Variants in GALNT13 observed in about 807,000 individuals in gnomAD.
GALNT13 encodes UDP-GalNAc:polypeptide N-acetylgalactosaminyltransferase 13.
In GALNT13, 28 loss-of-function variants were observed where a neutral mutation model predicts 64.2. The observed-to-expected ratio is 0.44, with a 90% confidence interval of 0.32 to 0.60. The LOEUF is 0.60. Among genes scored for constraint, GALNT13 ranks in the 20% least tolerant of loss-of-function variants. GALNT13 has a pLI of 0.05. For missense variants in GALNT13, 577 were observed against 669.8 expected, an observed-to-expected ratio of 0.86 and a Z score of 1.53; for synonymous variants, 214 against 224.6, an observed-to-expected ratio of 0.95 and a Z score of 0.42.
In GALNT13 at chr2:153,948,670, C is replaced by T. The variant is rs115471681; in HGVS notation, c.142+4031C>T. On this transcript the variant is annotated intron_variant, in intron 3 of 12. Transcript: ENST00000392825. ...TACATATACACTATGGAATACTATG[C>T]GCCATAAAAAAGAATGAGATCATGT... 6.2e-3 allele frequency among the ~76,000 whole-genome samples: 945 copies of T among 152,120 alleles called. 7 individuals are homozygous for T. Among genetic ancestry groups the T allele is most frequent in the African/African-American group, 0.021 (887 of 41,520 alleles).
chr2:154,311,261 G>T (rs1694020140), intron 9 of GALNT13, among the ~76,000 whole-genome samples: 1 of 152,002 alleles, frequency 6.6e-6, no homozygotes, highest in Non-Finnish European at 1.5e-5. Context: ...CGGGGGTCCT[G>T]CCCCGATAAT....
the GALNT13 span, among the ~76,000 whole-genome samples, chr2:153,457,909 C>T: frequency 6.6e-6 from 1 of 152,186 alleles, no homozygotes; most frequent in Non-Finnish European, 1.5e-5. Flanking sequence ...GTTCCATACC[C>T]TCCCCATCCT....
chr2:153,455,429 CGAATGAGTGCGGGAACGAGT>C, the GALNT13 span, among the ~76,000 whole-genome samples: 10 of 152,182 alleles, frequency 6.6e-5, no homozygotes, highest in Admixed American at 5.9e-4. Context: ...AGCACATGAG[CGAATGAGTGCGGGAACGAGT>C]GAATGAGTGC....
At chr2:153,132,571 T>C in the GALNT13 span, among the ~76,000 whole-genome samples, 536 of 152,288 alleles carry the variant, frequency 3.5e-3, 2 homozygotes, top group Non-Finnish European at 5.5e-3. Context: ...GAGTCATGCT[T>C]GTTACGTATG....
At chr2:153,727,070 C>T in the GALNT13 span, among the ~76,000 whole-genome samples, 1 of 151,810 alleles carries the variant, frequency 6.6e-6, no homozygotes, top group South Asian at 2.1e-4. Context: ...TAACTTCACA[C>T]AGTAATATTG....
intron 9 of GALNT13, among the ~76,000 whole-genome samples, chr2:154,372,203 A>C (rs1697733175): frequency 6.6e-6 from 1 of 152,136 alleles, no homozygotes; most frequent in African/African-American, 2.4e-5. Context: ...GGTTTAATTC[A>C]ACCTCCAGAA....
intron 4 of GALNT13, among the ~76,000 whole-genome samples, chr2:154,184,732 A>G (rs1220532101): frequency 6.6e-6 from 1 of 152,148 alleles, no homozygotes; most frequent in Non-Finnish European, 1.5e-5. Flanking sequence ...CAACCAGCTC[A>G]CACCAGAACT....
chr2:153,875,870 A>G (rs926353741), intron 1 of GALNT13, among the ~76,000 whole-genome samples: 6 of 152,182 alleles, frequency 3.9e-5, no homozygotes, highest in Admixed American at 2.0e-4. Context: ...CTTATTAGAC[A>G]TGATATTTTA....
intron 1 of GALNT13, among the ~76,000 whole-genome samples, chr2:153,899,457 A>G (rs1688087809): frequency 6.6e-6 from 1 of 152,202 alleles, no homozygotes; most frequent in Non-Finnish European, 1.5e-5. Flanking sequence ...TTAAACTTAG[A>G]AAATACAAAG....
In GALNT13 at chr2:153,937,426, A is replaced by G. The variant is rs925029814; in HGVS notation, c.-104-6968A>G. On this transcript the variant is annotated intron_variant, in intron 2 of 12. Transcript: ENST00000392825. ...ATTCAATTTGTATGAAACATTCAAA[A>G]TAGGAAAATTCATAGCCAATAAATC... 1.3e-5 allele frequency among the ~76,000 whole-genome samples: 2 copies of G among 152,248 alleles called. 1 individual carries two copies. The highest frequency in any genetic ancestry group is 4.1e-4 in the South Asian group (2 of 4,832).
intron 3 of GALNT13, among the ~76,000 whole-genome samples, chr2:153,944,921 C>T (rs935965295): frequency 9.2e-5 from 14 of 152,072 alleles, no homozygotes; most frequent in African/African-American, 2.9e-4. Context: ...GTTGAGTGAA[C>T]GTTCAAACTG....
At chr2:153,782,072 C>T in the GALNT13 span, among the ~76,000 whole-genome samples, 1,872 of 152,250 alleles carry the variant, frequency 0.012, 17 homozygotes, top group Non-Finnish European at 0.019. Context: ...CCACCACCCC[C>T]TAAATTCATA....
the GALNT13 span, among the ~76,000 whole-genome samples, chr2:153,155,420 G>C: frequency 6.6e-6 from 1 of 152,154 alleles, no homozygotes; most frequent in Non-Finnish European, 1.5e-5. Context: ...GTTCTGTTCA[G>C]GGATTCAATT....
chr2:154,378,819 G>T (rs1205101028), intron 9 of GALNT13, among the ~76,000 whole-genome samples: 1 of 151,936 alleles, frequency 6.6e-6, no homozygotes, highest in Non-Finnish European at 1.5e-5. Context: ...CAATTACAAT[G>T]TGTCAATGGA....
intron 8 of GALNT13, among the ~76,000 whole-genome samples, chr2:154,262,555 A>G (rs1690757351): frequency 6.6e-6 from 1 of 152,194 alleles, no homozygotes; most frequent in African/African-American, 2.4e-5. Context: ...TGCATTACAC[A>G]ACAATCACTG....
the GALNT13 span, among the ~76,000 whole-genome samples, chr2:153,079,491 C>G: frequency 6.6e-6 from 1 of 152,172 alleles, no homozygotes; most frequent in East Asian, 1.9e-4. Flanking sequence ...TTTAAGATGA[C>G]TTATCTGTAT....
At chr2:153,380,443 TCC>T in the GALNT13 span, among the ~76,000 whole-genome samples, 1 of 151,984 alleles carries the variant, frequency 6.6e-6, no homozygotes, top group African/African-American at 2.4e-5. Context: ...CTGCCCTCCA[TCC>T]TGGGCAACAC....
At chr2:154,319,213 A>AT (rs1694489459) in intron 9 of GALNT13, among the ~76,000 whole-genome samples, 1 of 152,204 alleles carries the variant, frequency 6.6e-6, no homozygotes, top group Admixed American at 6.5e-5. Context: ...CATAAAATAA[A>AT]TGTATGCGGA....
rs112474741 is a variant in GALNT13, at chr2:153,989,279, T to G, written c.142+44640T>G. ...GATCTGCATTGTATATGTTTCAAAC[T>G]CTTAAGTATAAACCTAAATCTAAAA... On this transcript the variant is annotated intron_variant, in intron 3 of 12. Transcript: ENST00000392825. 2.7e-3 allele frequency among the ~76,000 whole-genome samples: 418 copies of G among 152,024 alleles called. 1 individual carries two copies. Among genetic ancestry groups the G allele is most frequent in the African/African-American group, 9.5e-3 (395 of 41,526 alleles).
Sources: gnomAD v4.1 joint callset for allele counts (sites outside exome capture counted in the v4.1 genomes callset) on GRCh38, gnomAD v4.1.1 for gene constraint, MANE v1.5 for transcripts, NCBI Gene and HGNC (gene_info 2026-07-23, HGNC 2026-07-21) for gene names.